GNMT: variants seen among roughly 807,000 people sequenced by gnomAD.
The protein encoded by GNMT is epididymis secretory sperm binding protein Li 182mP.
In GNMT, 26 loss-of-function variants were observed where a neutral mutation model predicts 30.2. The observed-to-expected ratio is 0.86, with a 90% CI of 0.63 to 1.19. The LOEUF (loss-of-function observed/expected upper bound fraction) is 1.19. Ranked by LOEUF, GNMT falls within the 50% of genes most tolerant of loss-of-function variation. GNMT has a pLI of 0.00. For synonymous variants in GNMT, 163 were observed against 163.8 expected, an observed-to-expected ratio of 1.00 and a Z score of 0.04; for missense variants, 365 against 398.1, an observed-to-expected ratio of 0.92 and a Z score of 0.71.
rs746753351 is a variant in GNMT at position 42,963,352 on chromosome 6, A to G, written c.619A>G (p.Thr207Ala). 6.2e-7 allele frequency: 1 copy of G among 1,612,858 alleles called. No homozygotes were observed. The highest frequency in any genetic ancestry group is 8.5e-7 in the Non-Finnish European group (1 of 1,179,470). ...YKSDLTKDVT[T>A]SVLIVNNKAH... ...GAGTGACTTGACCAAGGACGTCACAACATCAGTGCTGATAGTGAACAACAA... is the reference window on the plus strand; with the variant it reads ...GAGTGACTTGACCAAGGACGTCACAGCATCAGTGCTGATAGTGAACAACAA... The change falls in exon 5 of 6, where the codon ACA (threonine) becomes GCA (alanine). Residue 207 changes from threonine to alanine, a missense_variant. This residue lies in a region of GNMT where 232 missense variants were observed against 263.0 expected (regional missense o/e 0.88). Transcript: ENST00000372808.
chr6:42,963,054 C>T lies in GNMT; in HGVS notation c.452-18C>T, dbSNP rs1161526015. On this transcript the variant is annotated intron_variant, in intron 3 of 5. Coordinates refer to ENST00000372808, the MANE Select transcript of GNMT (RefSeq NM_018960.6). ...GCCCTGAGCAGATGGAGTCTTTCTGCCCGTGCCTGGAGCTCAGGGGACCAG... is the reference window on the plus strand; with the variant it reads ...GCCCTGAGCAGATGGAGTCTTTCTGTCCGTGCCTGGAGCTCAGGGGACCAG... The T allele has an allele frequency of 4.3e-6, 7 of 1,610,910 alleles. No individual in the cohort carries two copies. Among genetic ancestry groups the T allele is most frequent in the Non-Finnish European group, 5.9e-6 (7 of 1,179,866 alleles).
intron 1 of GNMT, 146 bp downstream of exon 1, chr6:42,961,119 G>C (rs1160859485): frequency 2.9e-6 from 2 of 693,254 alleles, no homozygotes; most frequent in Non-Finnish European, 4.6e-6. Flanking sequence ...CCAGGAGCAG[G>C]TACCTGCCCG....
chr6:42,962,990 C>T (rs1161818974), intron 3 of GNMT, 82 bp from the exon 4 acceptor site: 6 of 1,599,384 alleles, frequency 3.8e-6, no homozygotes, highest in Non-Finnish European at 4.3e-6. Flanking sequence ...TCTGGCACCC[C>T]TGGGGAGGGG....
At chr6:42,962,533 CTG>C (rs997449610) in intron 2 of GNMT, among the ~76,000 whole-genome samples, 194 bp downstream of exon 2, 21 of 152,154 alleles carry the variant, frequency 1.4e-4, no homozygotes, top group African/African-American at 5.1e-4. Context: ...CTGGTTTTAA[CTG>C]TGTTTGTGGC....
rs781476590 is a variant in GNMT at position 42,963,096 on chromosome 6, C to T, written c.476C>T (p.Ala159Val). 9 of 1,612,164 alleles carry T rather than the reference C, an allele frequency of 5.6e-6. No individual in the cohort carries two copies. Among genetic ancestry groups the T allele is most frequent in the African/African-American group, 4.0e-5 (3 of 74,808 alleles). ...CKGDQSEHRL[A>V]LKNIASMVRA... ...GGGGACCAGAGTGAGCACCGGCTGG[C>T]GCTGAAAAACATTGCGAGCATGGTG... Residue 159 changes from alanine to valine, a missense_variant, in exon 4 of 6, where the codon GCG becomes GTG. Transcript: ENST00000372808.
chr6:42,962,320 G>A lies in GNMT; in HGVS notation c.315G>A (p.Glu105=), dbSNP rs772369673. ...ALKERWNRRH[E]PAFDKWVIEE... ...AGGAGCGCTGGAACCGGCGGCACGAGCCCGCCTTCGACAAGTGGGGTATGC... is the reference window on the plus strand; with the variant it reads ...AGGAGCGCTGGAACCGGCGGCACGAACCCGCCTTCGACAAGTGGGGTATGC... The change falls in exon 2 of 6, where the codon GAG becomes GAA. Residue 105 remains glutamate (E), a synonymous_variant. Transcript: ENST00000372808. 3 of 1,614,102 alleles carry A rather than the reference G, an allele frequency of 1.9e-6. No homozygotes were observed. In the South Asian group the frequency reaches 3.3e-5, roughly 18 times the overall value.
In GNMT at chr6:42,963,225, CTG is replaced by C; in HGVS notation, c.594+12_594+13del. On this transcript the variant is annotated intron_variant, in intron 4 of 5. Transcript: ENST00000372808. Reference sequence around the variant, plus strand: ...AACATCTACTATAAGGTGGGGCCCTCTGGGGTGGGGGTGGGGGTGGGGGTGGG... The same window carrying C: ...AACATCTACTATAAGGTGGGGCCCTCGGGTGGGGGTGGGGGTGGGGGTGGG... 1.4e-6 allele frequency: 1 copy of C among 740,292 alleles called. No homozygotes were observed. The highest frequency in any genetic ancestry group is 3.9e-5 in the Admixed American group (1 of 25,620). The allele number at this position is 740,292 out of a possible 1,614,324, so 45.9% of individuals were successfully genotyped here.
intron 1 of GNMT, 117 bp from the exon 2 acceptor site, chr6:42,962,095 G>A: frequency 2.6e-6 from 3 of 1,174,104 alleles, no homozygotes; most frequent in Middle Eastern, 2.2e-4. Flanking sequence ...GGGGAGAGGA[G>A]GCAGAGGAAC....
chr6:42,961,903 T>C (rs1769413020), intron 1 of GNMT, among the ~76,000 whole-genome samples: 1 of 152,172 alleles, frequency 6.6e-6, no homozygotes, highest in Non-Finnish European at 1.5e-5. Flanking sequence ...TGCACACGTA[T>C]TTTAACTTCA....
intron 3 of GNMT, 96 bp downstream of exon 3, chr6:42,962,974 C>G (rs1769493320): frequency 6.3e-7 from 1 of 1,581,010 alleles, no homozygotes; most frequent in Non-Finnish European, 8.7e-7. Flanking sequence ...GACTCTCTGC[C>G]TTGGCTCTGG....
intron 1 of GNMT, among the ~76,000 whole-genome samples, chr6:42,961,746 G>A (rs1769402677): frequency 6.6e-6 from 1 of 151,906 alleles, no homozygotes; most frequent in African/African-American, 2.4e-5. Flanking sequence ...GTAGAGACGG[G>A]GTTTCGCCGT....
At chr6:42,961,508 A>AG (rs1769382196) in intron 1 of GNMT, among the ~76,000 whole-genome samples, 1 of 151,088 alleles carries the variant, frequency 6.6e-6, no homozygotes, top group Admixed American at 6.6e-5. Flanking sequence ...AGGAGCTAAC[A>AG]GGCCCGGGTT....
At position 42,963,822 on chromosome 6, in the gene GNMT, C is replaced by A. The variant is rs1581755205; in HGVS notation, c.*116C>A. ...TCTAGAGCAGACTACAGCTGGGGTG[C>A]AGGGATGTGGGTTCCACAGACGGAA... On this transcript the variant is annotated 3_prime_UTR_variant, in exon 6 of 6. Transcript: ENST00000372808. 10 of 946,582 alleles carry A rather than the reference C, an allele frequency of 1.1e-5. No individual in the cohort carries two copies. The East Asian group carries it at 2.3e-4, about 22-fold the overall frequency. 58.6% of individuals were successfully genotyped at this position (946,582 alleles called of 1,614,324 possible).
rs374383186 is a variant in GNMT, at chr6:42,960,914, G to A, written c.147G>A (p.Leu49=). 1.1e-4 allele frequency: 171 copies of A among 1,563,006 alleles called. No individual in the cohort carries two copies. Among genetic ancestry groups the A allele is most frequent in the Non-Finnish European group, 1.4e-4 (163 of 1,158,600 alleles). The change falls in exon 1 of 6, where the codon CTG becomes CTA. Residue 49 remains leucine (L), a synonymous_variant. Coordinates refer to ENST00000372808, the MANE Select transcript of GNMT (RefSeq NM_018960.6). The part of the protein sequence containing the change: ...RSRTAEYKAW[L]LGLLRQHGCQ... ...GCACCGCCGAGTACAAGGCATGGCT[G>A]CTTGGGCTGCTGCGCCAGCACGGCT...
chr6:42,961,002 G>T, intron 1 of GNMT, 29 bp downstream of exon 1: 3 of 1,510,562 alleles, frequency 2.0e-6, no homozygotes, highest in Non-Finnish European at 2.7e-6. Flanking sequence ...CGGGGGCGTT[G>T]CATGAGATCG....
chr6:42,961,977 G>A (rs1769418015), intron 1 of GNMT, among the ~76,000 whole-genome samples: 1 of 152,194 alleles, frequency 6.6e-6, no homozygotes, highest in South Asian at 2.1e-4. Context: ...GGATTGCCAT[G>A]AGAATTAATG....
chr6:42,961,092 C>T (rs556222177), intron 1 of GNMT, 119 bp downstream of exon 1: 7 of 843,376 alleles, frequency 8.3e-6, no homozygotes, highest in Non-Finnish European at 1.2e-5. Context: ...AATCCTGGAA[C>T]GGGTGGGACA....
At chr6:42,962,968 C>T (rs1317091612) in intron 3 of GNMT, 90 bp downstream of exon 3, 1 of 1,578,150 alleles carries the variant, frequency 6.3e-7, no homozygotes, top group Non-Finnish European at 8.7e-7. Flanking sequence ...AAAGCAGACT[C>T]TCTGCCTTGG....
intron 1 of GNMT, among the ~76,000 whole-genome samples, chr6:42,961,665 T>G (rs1451169379): frequency 1.9e-4 from 28 of 150,570 alleles, no homozygotes; most frequent in Non-Finnish European, 4.4e-5. Flanking sequence ...GCCATTCTCC[T>G]GCCTCAGCCT....
Sources: gnomAD v4.1 joint callset for allele counts (sites outside exome capture counted in the v4.1 genomes callset) on GRCh38, gnomAD v4.1.1 for gene constraint, gnomAD v4.1.1 regional missense constraint, MANE v1.5 for transcripts, NCBI Gene and HGNC (gene_info 2026-07-23, HGNC 2026-07-21) for gene names.